PRMT3: variants seen among roughly 807,000 people sequenced by gnomAD.
PRMT3 encodes the protein protein arginine methyltransferase 3, also known as protein arginine N-methyltransferase 3.
In PRMT3, 62 loss-of-function variants were observed where a neutral mutation model predicts 71.9. The ratio of observed to expected loss-of-function variants is 0.86; its 90% CI spans 0.70 to 1.07. PRMT3 has a LOEUF of 1.07. Ranked by LOEUF, PRMT3 falls within the 50% of genes least tolerant of loss-of-function variation. PRMT3 has a pLI of 0.00. For synonymous variants in PRMT3, 213 were observed against 220.4 expected (o/e 0.97, Z 0.30); for missense variants, 663 against 643.0 (o/e 1.03, Z -0.34).
chr11:20,436,773 T>C (rs1443645829), intron 10 of PRMT3, among the ~76,000 whole-genome samples: 3 of 152,196 alleles, frequency 2.0e-5, no homozygotes, highest in Non-Finnish European at 2.9e-5. Context: ...TAACTGATTT[T>C]GTTATCTATA....
intron 10 of PRMT3, among the ~76,000 whole-genome samples, chr11:20,429,000 C>T (rs1277787038): frequency 6.6e-6 from 1 of 152,204 alleles, no homozygotes; most frequent in African/African-American, 2.4e-5. Flanking sequence ...CTGGTTGTCT[C>T]ACTCTCTTGA....
chr11:20,447,086 TTAATATC>T (rs1429079081), intron 10 of PRMT3, among the ~76,000 whole-genome samples: 1 of 152,178 alleles, frequency 6.6e-6, no homozygotes, highest in Non-Finnish European at 1.5e-5. Context: ...GTAAAAGTGT[TTAATATC>T]TAAGGCTATT....
At chr11:20,446,771 A>G (rs982327901) in intron 10 of PRMT3, among the ~76,000 whole-genome samples, 1 of 152,188 alleles carries the variant, frequency 6.6e-6, no homozygotes, top group African/African-American at 2.4e-5. Flanking sequence ...ATATATACAG[A>G]TGCCAACACA....
intron 13 of PRMT3, among the ~76,000 whole-genome samples, chr11:20,476,860 C>T (rs556207361): frequency 2.0e-5 from 3 of 152,040 alleles, no homozygotes; most frequent in East Asian, 1.9e-4. Context: ...AAGTGATCTG[C>T]GATTTTGCTT....
chr11:20,462,279 C>G lies in PRMT3; in HGVS notation c.1260+112C>G, dbSNP rs1850403997. 3.7e-5 allele frequency: 31 copies of G among 839,676 alleles called. No homozygotes were observed. In the South Asian group the frequency reaches 5.5e-4, roughly 15 times the overall value. The allele number at this position is 839,676 out of a possible 1,614,324, so 52.0% of individuals were successfully genotyped here. On this transcript the variant is annotated intron_variant, in intron 12 of 15. Coordinates refer to ENST00000331079, the MANE Select transcript of PRMT3 (RefSeq NM_005788.4). ...ATGGGCTTTCAAAACAGTACTTTTC[C>G]CATTGTAATCAGTCTAAAACAAATT...
At chr11:20,401,522 T>G (rs1344644110) in intron 7 of PRMT3, among the ~76,000 whole-genome samples, 1 of 152,118 alleles carries the variant, frequency 6.6e-6, no homozygotes, top group Non-Finnish European at 1.5e-5. Flanking sequence ...CAACTTGCCC[T>G]TTAAGATCTC....
At chr11:20,482,371 G>A (rs148294557) in intron 13 of PRMT3, among the ~76,000 whole-genome samples, 1,554 of 152,154 alleles carry the variant, frequency 0.01, 8 homozygotes, top group Non-Finnish European at 0.016. Flanking sequence ...TTTAATTCTA[G>A]ATAGGTATAG....
chr11:20,444,363 C>T (rs1241544499), intron 10 of PRMT3, among the ~76,000 whole-genome samples: 2 of 152,020 alleles, frequency 1.3e-5, no homozygotes, highest in African/African-American at 4.8e-5. Flanking sequence ...AAGCAGTGAA[C>T]CTCATGTTCA....
In PRMT3 at chr11:20,505,398, A is replaced by G. The variant is rs147184697; in HGVS notation, c.1487-2906A>G. ...TTTCATATGTGAACTACTTTATACC[A>G]GCAACTAAATTAAGTAATTTGTATA... On this transcript the variant is annotated intron_variant, in intron 15 of 15. Transcript: ENST00000331079. 3.3e-4 allele frequency among the ~76,000 whole-genome samples: 50 copies of G among 152,308 alleles called. No individual in the cohort carries two copies. In the East Asian group the frequency reaches 8.7e-3, roughly 26 times the overall value.
intron 11 of PRMT3, among the ~76,000 whole-genome samples, chr11:20,452,571 A>G (rs550119242): frequency 2.1e-3 from 320 of 152,172 alleles, no homozygotes; most frequent in African/African-American, 7.1e-3. Flanking sequence ...GGCATATTTC[A>G]TTCTAAGTTG....
chr11:20,430,996 A>C (rs1849642962), intron 10 of PRMT3, among the ~76,000 whole-genome samples: 1 of 152,152 alleles, frequency 6.6e-6, no homozygotes, highest in Non-Finnish European at 1.5e-5. Context: ...TACTTAATAA[A>C]ACTGTTCAAA....
rs1048129754 is a variant in PRMT3 at position 20,508,882 on chromosome 11, A to G, written c.*469A>G. ...TAATTGTATTTGCTAGAAAATCAGG[A>G]TGTAATAAAGATTTGTATAAAAAAA... On this transcript the variant is annotated 3_prime_UTR_variant, in exon 16 of 16. Coordinates refer to ENST00000331079, the MANE Select transcript of PRMT3 (RefSeq NM_005788.4). 5 of 183,776 alleles carry G rather than the reference A, an allele frequency of 2.7e-5. No homozygotes were observed. Among genetic ancestry groups the G allele is most frequent in the Non-Finnish European group, 4.7e-5 (4 of 85,344 alleles). 11.4% of individuals were successfully genotyped at this position (183,776 alleles called of 1,614,324 possible). A position where few individuals can be genotyped will look rare whatever the true frequency, so the allele number is the denominator to read the frequency against.
chr11:20,395,354 TTAC>T (rs1430345977), intron 5 of PRMT3, among the ~76,000 whole-genome samples: 4 of 151,670 alleles, frequency 2.6e-5, no homozygotes, highest in African/African-American at 9.7e-5. Context: ...ATTATTATTA[TTAC>T]TTTTAAGACC....
Position 20,388,173 on chromosome 11 carries a change from C to T in PRMT3, c.164+19C>T. The T allele has an allele frequency of 6.2e-7, 1 of 1,613,756 alleles. No individual in the cohort carries two copies. Among genetic ancestry groups the T allele is most frequent in the Non-Finnish European group, 8.5e-7 (1 of 1,179,968 alleles). On this transcript the variant is annotated intron_variant, in intron 2 of 15. Transcript: ENST00000331079. ...GTAACAGGTTCGTCCGCCTCAGCGC[C>T]TGGCCTCTGCCCTAGGGTGCCCGGG...
intron 14 of PRMT3, 65 bp from the exon 15 acceptor site, chr11:20,494,101 GA>G (rs1275546610): frequency 2.3e-5 from 34 of 1,493,630 alleles, no homozygotes; most frequent in Non-Finnish European, 3.1e-5. Context: ...TGATGTCGTA[GA>G]TTAATGTACC....
At position 20,393,108 on chromosome 11, in the gene PRMT3, A is replaced by G. The variant is rs1283344811; in HGVS notation, c.400+109A>G. 9 of 705,962 alleles carry G rather than the reference A, an allele frequency of 1.3e-5. No individual in the cohort carries two copies. The East Asian group carries it at 1.6e-4, about 12-fold the overall frequency. The allele number at this position is 705,962 out of a possible 1,614,324, so 43.7% of individuals were successfully genotyped here. A position where few individuals can be genotyped will look rare whatever the true frequency, so the allele number is the denominator to read the frequency against. ...AGACATGCTTTTTAAAATTATCTAAATGCTTCATCAGGTAGTTAGTTTCAG... is the reference window on the plus strand; with the variant it reads ...AGACATGCTTTTTAAAATTATCTAAGTGCTTCATCAGGTAGTTAGTTTCAG... On this transcript the variant is annotated intron_variant, in intron 5 of 15. Transcript: ENST00000331079.
At chr11:20,412,651 G>A (rs572377096) in intron 9 of PRMT3, among the ~76,000 whole-genome samples, 20 of 152,198 alleles carry the variant, frequency 1.3e-4, no homozygotes, top group African/African-American at 4.3e-4. Flanking sequence ...ATACATTTGA[G>A]TGTTGGTGCA....
intron 13 of PRMT3, among the ~76,000 whole-genome samples, chr11:20,467,730 A>G (rs1850546178): frequency 6.6e-6 from 1 of 152,172 alleles, no homozygotes; most frequent in Non-Finnish European, 1.5e-5. Flanking sequence ...TTATCCTCTC[A>G]GAGTAAGCTT....
intron 8 of PRMT3, among the ~76,000 whole-genome samples, chr11:20,403,656 G>T (rs1848999829): frequency 6.6e-6 from 1 of 150,420 alleles, no homozygotes. Context: ...CATTGGCATG[G>T]TTACTTAAAA....
Sources: gnomAD v4.1 joint callset for allele counts (sites outside exome capture counted in the v4.1 genomes callset) on GRCh38, gnomAD v4.1.1 for gene constraint, MANE v1.5 for transcripts, NCBI Gene and HGNC (gene_info 2026-07-23, HGNC 2026-07-21) for gene names.